The following LRP1B variants were observed in gnomAD, a reference collection of about 807,000 sequenced individuals.
The protein encoded by LRP1B is LDL receptor related protein 1B.
Under a neutral mutation model 556.6 loss-of-function variants are expected in LRP1B, and 217 were observed. That is an observed-to-expected ratio of 0.39 (90% CI 0.35 to 0.44). The LOEUF (loss-of-function observed/expected upper bound fraction) is 0.44. Among genes scored for constraint, LRP1B ranks in the 20% least tolerant of loss-of-function variants. LRP1B has a pLI of 1.00. For missense variants in LRP1B, 5,053 were observed against 5,620.8 expected (o/e 0.90, Z 3.23); for synonymous variants, 2,047 against 1,865.8 (o/e 1.10, Z -2.50).
chr2:141,125,426 T>C (rs964343656), intron 7 of LRP1B, among the ~76,000 whole-genome samples: 1 of 152,218 alleles, frequency 6.6e-6, no homozygotes, highest in African/African-American at 2.4e-5. Context: ...GGAAAAATTT[T>C]GAGACAGAAA....
intron 82 of LRP1B, among the ~76,000 whole-genome samples, 159 bp from the exon 83 acceptor site, chr2:140,315,258 C>CAGAT (rs1558794272): frequency 6.6e-6 from 1 of 151,960 alleles, no homozygotes; most frequent in African/African-American, 2.4e-5. Flanking sequence ...TATCTGAAAA[C>CAGAT]AGATAGATTC....
At chr2:141,140,289 T>G (rs1251472214) in intron 7 of LRP1B, among the ~76,000 whole-genome samples, 2 of 152,134 alleles carry the variant, frequency 1.3e-5, no homozygotes, top group East Asian at 3.8e-4. Context: ...CATCACGTCT[T>G]TCAACCGTGT....
At chr2:141,336,355 C>T (rs1292151475) in intron 3 of LRP1B, among the ~76,000 whole-genome samples, 2 of 152,114 alleles carry the variant, frequency 1.3e-5, no homozygotes, top group Admixed American at 6.6e-5. Context: ...AAACTCCATA[C>T]ATTCAAAACT....
intron 23 of LRP1B, among the ~76,000 whole-genome samples, chr2:140,888,840 G>A (rs1213954540): frequency 6.6e-6 from 1 of 151,602 alleles, no homozygotes; most frequent in Non-Finnish European, 1.5e-5. Context: ...GCATGTGCCT[G>A]TAATCCCAGC....
At position 141,732,943 on chromosome 2, in the gene LRP1B, A is replaced by G. The variant is rs146467498; in HGVS notation, c.205+77336T>C. Among the ~76,000 whole-genome samples, 952 of 152,208 alleles carry G rather than the reference A, an allele frequency of 6.3e-3. 8 individuals carry two copies. The highest frequency in any genetic ancestry group is 0.022 in the African/African-American group (917 of 41,564). On this transcript the variant is annotated intron_variant, in intron 2 of 90. Coordinates refer to ENST00000389484, the MANE Select transcript of LRP1B (RefSeq NM_018557.3). ...TGTCAAAGTGAGGAATCTTGGCATCACTGATCACATACTATTCAAAAAAGC... is the reference window on the plus strand; with the variant it reads ...TGTCAAAGTGAGGAATCTTGGCATCGCTGATCACATACTATTCAAAAAAGC...
At chr2:141,797,475 G>A (rs1428890213) in intron 2 of LRP1B, among the ~76,000 whole-genome samples, 1 of 151,850 alleles carries the variant, frequency 6.6e-6, no homozygotes, top group Non-Finnish European at 1.5e-5. Context: ...TGGAAAGGGA[G>A]GGTGAGTGAC....
intron 3 of LRP1B, among the ~76,000 whole-genome samples, chr2:141,466,301 T>G (rs1682197061): frequency 6.6e-6 from 1 of 152,242 alleles, no homozygotes; most frequent in Non-Finnish European, 1.5e-5. Flanking sequence ...GCTCTCTTTC[T>G]TTCCTTTAGA....
intron 2 of LRP1B, among the ~76,000 whole-genome samples, chr2:141,662,325 T>C (rs996570097): frequency 1.3e-5 from 2 of 152,096 alleles, no homozygotes; most frequent in Admixed American, 6.5e-5. Context: ...AAATTACACA[T>C]GACAATATTA....
chr2:140,500,541 G>A (rs1365151522), intron 55 of LRP1B, among the ~76,000 whole-genome samples: 1 of 151,878 alleles, frequency 6.6e-6, no homozygotes, highest in Non-Finnish European at 1.5e-5. Flanking sequence ...ATTCCAATAT[G>A]AAGTGTTCTA....
intron 18 of LRP1B, among the ~76,000 whole-genome samples, chr2:140,961,704 T>A (rs1254690245): frequency 6.6e-6 from 1 of 152,100 alleles, no homozygotes; most frequent in Non-Finnish European, 1.5e-5. Context: ...ATTATTGTTA[T>A]CACAATATAA....
chr2:140,501,714 G>C lies in LRP1B; in HGVS notation c.8823C>G (p.Asp2941Glu), dbSNP rs35296183. 1 of 1,611,280 alleles carries C rather than the reference G, an allele frequency of 6.2e-7. No homozygotes were observed. Among genetic ancestry groups the C allele is most frequent in the East Asian group, 2.2e-5 (1 of 44,794 alleles). Residue 2941 changes from aspartate (D) to glutamate (E), a missense_variant, in exon 55 of 91, where the codon GAC becomes GAG. Asp to Glu is a conservative substitution (Grantham distance 45). Around this residue, in one of 5 missense-constraint regions of LRP1B, gnomAD observed 3,619 missense variants for 3,931.9 expected, o/e 0.92. Coordinates refer to ENST00000389484, the MANE Select transcript of LRP1B (RefSeq NM_018557.3). The stretch of plus-strand genomic sequence containing the variant: ...TATAACTGACCGGAAGGTCTTGACA[G>C]TCTTGAGAACATCCACTGACTTTCT... Reference protein sequence around the residue: ...LSKKVSGCSQDCQDLPVSYKC... With the variant: ...LSKKVSGCSQECQDLPVSYKC...
At chr2:141,278,404 A>C (rs1008804291) in intron 3 of LRP1B, among the ~76,000 whole-genome samples, 1 of 152,168 alleles carries the variant, frequency 6.6e-6, no homozygotes, top group Non-Finnish European at 1.5e-5. Flanking sequence ...CTGCAGAAGA[A>C]GGCTTTGGAT....
intron 66 of LRP1B, among the ~76,000 whole-genome samples, chr2:140,424,859 G>A (rs996143181): frequency 6.6e-6 from 1 of 152,340 alleles, no homozygotes; most frequent in Non-Finnish European, 1.5e-5. Flanking sequence ...CAAGGATAAA[G>A]AGAGCTTCTC....
intron 18 of LRP1B, among the ~76,000 whole-genome samples, chr2:140,964,556 C>A (rs1696140945): frequency 6.6e-6 from 1 of 150,416 alleles, no homozygotes; most frequent in Non-Finnish European, 1.5e-5. Flanking sequence ...GTGGCCCTGT[C>A]CAGGCATAAC....
Position 141,650,112 on chromosome 2 carries a change from G to A in LRP1B, c.205+160167C>T, listed in dbSNP as rs1014295793. Among the ~76,000 whole-genome samples the A allele has an allele frequency of 4.6e-5, 7 of 152,292 alleles. No homozygotes were observed. The South Asian group carries it at 6.2e-4, about 14-fold the overall frequency. ...GGAGAATTGCCTGAATCCAGGAGGC[G>A]GAGGTTGCAGTCAGCCAAGATTGTG... On this transcript the variant is annotated intron_variant, in intron 2 of 90. Transcript: ENST00000389484.
rs1216156399 is a variant in LRP1B, at chr2:140,908,350, TA to T, written c.3320-274del. 9.4e-5 allele frequency among the ~76,000 whole-genome samples: 9 copies of T among 96,004 alleles called. No individual in the cohort carries two copies. The East Asian group carries it at 2.4e-3, about 26-fold the overall frequency. The allele number at this position is 96,004 out of a possible 152,430, so 63.0% of individuals were successfully genotyped here. A position where few individuals can be genotyped will look rare whatever the true frequency, so the allele number is the denominator to read the frequency against. ...CTCTCTCTCTATATATATATACATA[TA>T]TTTATATTTATATAATATATATATA... On this transcript the variant is annotated intron_variant, in intron 21 of 90. Coordinates refer to ENST00000389484, the MANE Select transcript of LRP1B (RefSeq NM_018557.3).
chr2:141,907,013 A>G (rs1374769653), intron 1 of LRP1B, among the ~76,000 whole-genome samples: 6 of 151,982 alleles, frequency 3.9e-5, no homozygotes, highest in Non-Finnish European at 7.4e-5. Flanking sequence ...AACAGATTGT[A>G]TTTATAGAGG....
chr2:140,900,244 A>T (rs1224852841), intron 23 of LRP1B, among the ~76,000 whole-genome samples: 5 of 152,218 alleles, frequency 3.3e-5, no homozygotes, highest in Non-Finnish European at 5.9e-5. Flanking sequence ...ATGGTATATA[A>T]CCACTCTAAG....
chr2:142,126,711 G>A (rs1386272541), intron 1 of LRP1B, among the ~76,000 whole-genome samples: 1 of 151,776 alleles, frequency 6.6e-6, no homozygotes, highest in Non-Finnish European at 1.5e-5. Context: ...AATGCTGAAG[G>A]AAAGGGAGGG....
Sources: allele counts gnomAD v4.1 joint callset (sites outside exome capture counted in the v4.1 genomes callset), GRCh38; gene constraint gnomAD v4.1.1; regional missense constraint gnomAD v4.1.1; transcripts MANE v1.5; gene names NCBI Gene and HGNC (gene_info 2026-07-23, HGNC 2026-07-21).